The following KCNH8 variants were observed in gnomAD, a reference collection of about 807,000 sequenced individuals.
KCNH8 encodes voltage-gated delayed rectifier potassium channel KCNH8.
In KCNH8, 70 loss-of-function variants were observed where a neutral mutation model predicts 103.6. The ratio of observed to expected loss-of-function variants is 0.68; its 90% CI spans 0.56 to 0.82. The LOEUF is 0.82. Among genes scored for constraint, KCNH8 ranks in the 40% least tolerant of loss-of-function variants. The pLI, the probability that KCNH8 is intolerant of heterozygous loss-of-function variation, is 0.00. For missense variants in KCNH8, 1,217 were observed against 1,329.9 expected (o/e 0.92, Z 1.32); for synonymous variants, 498 against 489.4 (o/e 1.02, Z -0.23).
intron 8 of KCNH8, among the ~76,000 whole-genome samples, chr3:19,439,047 C>T (rs73034007): frequency 1.3e-5 from 2 of 152,250 alleles, no homozygotes; most frequent in Non-Finnish European, 2.9e-5. Context: ...TTTCAGTCTT[C>T]GCACTTCTCT....
At chr3:19,424,100 G>GA (rs1253968110) in intron 7 of KCNH8, among the ~76,000 whole-genome samples, 10 of 151,968 alleles carry the variant, frequency 6.6e-5, no homozygotes, top group Non-Finnish European at 1.3e-4. Context: ...CAAAGAACTA[G>GA]AAAAAACAAT....
At chr3:19,256,341 G>T (rs59879234) in intron 2 of KCNH8, among the ~76,000 whole-genome samples, 8,991 of 152,140 alleles carry the variant, frequency 0.059, 860 homozygotes, top group African/African-American at 0.2. Context: ...TCAGACCATT[G>T]TGTCCTTCCC....
intron 5 of KCNH8, among the ~76,000 whole-genome samples, chr3:19,353,456 C>G (rs1395516044): frequency 6.6e-6 from 1 of 152,040 alleles, no homozygotes; most frequent in Non-Finnish European, 1.5e-5. Flanking sequence ...ATCAATATCC[C>G]TGATGCACAT....
At chr3:19,431,027 T>C (rs1164073422) in intron 7 of KCNH8, among the ~76,000 whole-genome samples, 1 of 152,196 alleles carries the variant, frequency 6.6e-6, no homozygotes, top group African/African-American at 2.4e-5. Context: ...ATATGTTGAA[T>C]AGGAGTGGTG....
At chr3:19,508,256 C>G (rs374999121) in intron 11 of KCNH8, among the ~76,000 whole-genome samples, 1 of 152,214 alleles carries the variant, frequency 6.6e-6, no homozygotes, top group East Asian at 1.9e-4. Flanking sequence ...TTCTGCTTGA[C>G]TCTTGACCGT....
intron 5 of KCNH8, among the ~76,000 whole-genome samples, chr3:19,358,718 G>T: frequency 6.6e-6 from 1 of 151,870 alleles, no homozygotes; most frequent in East Asian, 1.9e-4. Context: ...TCTAAACAGT[G>T]ATGACCATAT....
intron 5 of KCNH8, among the ~76,000 whole-genome samples, chr3:19,374,905 C>A (rs2066167015): frequency 6.6e-6 from 1 of 152,088 alleles, no homozygotes; most frequent in African/African-American, 2.4e-5. Flanking sequence ...GTTGAAAATT[C>A]TTTTCCTTAA....
chr3:19,389,520 G>C (rs575323569), intron 5 of KCNH8, among the ~76,000 whole-genome samples: 5 of 152,126 alleles, frequency 3.3e-5, no homozygotes, highest in African/African-American at 1.2e-4. Context: ...GTGCCTTCAG[G>C]GCAGGGCTGA....
At chr3:19,388,796 G>A (rs910614983) in intron 5 of KCNH8, among the ~76,000 whole-genome samples, 3 of 152,054 alleles carry the variant, frequency 2.0e-5, no homozygotes, top group African/African-American at 7.2e-5. Flanking sequence ...TGGAATTCAG[G>A]AGACTTGAAT....
intron 3 of KCNH8, among the ~76,000 whole-genome samples, chr3:19,304,741 C>T (rs377320179): frequency 1.3e-5 from 2 of 152,232 alleles, no homozygotes; most frequent in South Asian, 2.1e-4. Context: ...CGGAGATGTT[C>T]TGTGTTTGTG....
intron 7 of KCNH8, among the ~76,000 whole-genome samples, chr3:19,425,336 TG>T (rs1315261604): frequency 6.6e-6 from 1 of 152,234 alleles, no homozygotes; most frequent in African/African-American, 2.4e-5. Context: ...AAACTCTTTC[TG>T]GTTGCTCCAA....
chr3:19,476,842 C>T lies in KCNH8; in HGVS notation c.2040+19860C>T, dbSNP rs141146438. ...ATTTTCCAAGCTTTTAAATAGGTAT[C>T]AAGAAACTTCTTTGGATTTTCTTTC... On this transcript the variant is annotated intron_variant, in intron 11 of 15. Coordinates refer to ENST00000328405, the MANE Select transcript of KCNH8 (RefSeq NM_144633.3). Among the ~76,000 whole-genome samples, 138 of 152,190 alleles carry T rather than the reference C, an allele frequency of 9.1e-4. 1 individual carries two copies. Among genetic ancestry groups the T allele is most frequent in the Middle Eastern group, 3.4e-3 (1 of 294 alleles).
At chr3:19,154,377 C>A (rs1174032158) in intron 1 of KCNH8, among the ~76,000 whole-genome samples, 2 of 152,118 alleles carry the variant, frequency 1.3e-5, no homozygotes, top group Non-Finnish European at 2.9e-5. Flanking sequence ...CATAAAAGAT[C>A]TTTAAACCCA....
chr3:19,314,459 C>G (rs1455745783), intron 3 of KCNH8, among the ~76,000 whole-genome samples: 1 of 151,824 alleles, frequency 6.6e-6, no homozygotes, highest in Non-Finnish European at 1.5e-5. Flanking sequence ...AGTCTTAGCT[C>G]CTCAGGAGGC....
intron 11 of KCNH8, among the ~76,000 whole-genome samples, chr3:19,507,499 C>T (rs887026989): frequency 1.3e-5 from 2 of 152,050 alleles, no homozygotes; most frequent in Non-Finnish European, 2.9e-5. Flanking sequence ...GTGACTAGGC[C>T]CTTTGTTCCA....
At chr3:19,282,397 A>G (rs1429643630) in intron 3 of KCNH8, among the ~76,000 whole-genome samples, 2 of 152,168 alleles carry the variant, frequency 1.3e-5, no homozygotes, top group African/African-American at 4.8e-5. Context: ...TTCCACAAAG[A>G]TAAGTATGAA....
chr3:19,491,088 A>C (rs571970020), intron 11 of KCNH8, among the ~76,000 whole-genome samples: 148 of 152,358 alleles, frequency 9.7e-4, no homozygotes, highest in African/African-American at 2.8e-3. Flanking sequence ...TTAATACTAC[A>C]TGTAAATGAA....
At chr3:19,322,892 C>CT (rs1291263515) in intron 3 of KCNH8, among the ~76,000 whole-genome samples, 2 of 152,032 alleles carry the variant, frequency 1.3e-5, no homozygotes, top group African/African-American at 4.8e-5. Context: ...TTTTTTTATT[C>CT]TTTTTTCTTT....
Position 19,533,779 on chromosome 3 carries a change from C to T in KCNH8, c.3004C>T (p.Gln1002Ter). The change falls in exon 16 of 16, where the codon CAA (glutamine) becomes TAA (stop). Residue 1002 changes from glutamine to a stop codon, truncating the protein, a stop_gained. Transcript: ENST00000328405. LOFTEE classifies it high-confidence loss of function. ...TTCACCTTCCCACTACCAGGTTGTC[C>T]AAGAAGGTCATTTGCAATTTTTAAG... is the stretch of plus-strand genomic sequence containing the variant. ...DYSPSHYQVV[Q>*]EGHLQFLRCI... The T allele has an allele frequency of 6.2e-7, 1 of 1,614,142 alleles. No homozygotes were observed.
Sources: allele counts gnomAD v4.1 joint callset (sites outside exome capture counted in the v4.1 genomes callset), GRCh38; gene constraint gnomAD v4.1.1; transcripts MANE v1.5; gene names NCBI Gene and HGNC (gene_info 2026-07-23, HGNC 2026-07-21).